PLCH1: variants seen among roughly 807,000 people sequenced by gnomAD.
The protein encoded by PLCH1 is 1-phosphatidylinositol 4,5-bisphosphate phosphodiesterase eta-1.
Under a neutral mutation model 126.7 loss-of-function variants are expected in PLCH1, and 60 were observed. That is an observed-to-expected ratio of 0.47 (90% CI 0.38 to 0.59). PLCH1 has a LOEUF of 0.59. Ranked by LOEUF, PLCH1 falls within the 20% of genes least tolerant of loss-of-function variation. PLCH1 has a pLI of 0.00. For synonymous variants in PLCH1, 719 were observed against 734.9 expected (o/e 0.98, Z 0.35); for missense variants, 1,723 against 2,040.0 (o/e 0.84, Z 2.99).
chr3:155,732,773 G>A (rs1748867249), intron 1 of PLCH1, among the ~76,000 whole-genome samples: 1 of 150,986 alleles, frequency 6.6e-6, no homozygotes, highest in Admixed American at 6.6e-5. Flanking sequence ...AGCTACTCAG[G>A]AGGCTGAGGC....
chr3:155,584,127 G>C (rs1491000149), intron 5 of PLCH1, among the ~76,000 whole-genome samples: 2 of 151,626 alleles, frequency 1.3e-5, no homozygotes, highest in Admixed American at 1.3e-4. Context: ...ATAAACAAAA[G>C]CAAAAAGTAA....
At chr3:155,595,739 A>G (rs897451698) in intron 3 of PLCH1, among the ~76,000 whole-genome samples, 5 of 151,344 alleles carry the variant, frequency 3.3e-5, no homozygotes, top group African/African-American at 7.3e-5. Context: ...TATCTATCCT[A>G]TTGATTGTGT....
chr3:155,487,013 C>T (rs1420543244), intron 21 of PLCH1: 1 of 152,146 alleles, frequency 6.6e-6, no homozygotes, highest in Non-Finnish European at 1.5e-5. Flanking sequence ...GGACTAAACA[C>T]AGGAAGTTAT....
At chr3:155,541,817 T>C (rs1656345) in intron 10 of PLCH1, among the ~76,000 whole-genome samples, 123,098 of 151,548 alleles carry the variant, frequency 0.81, 51,790 homozygotes, top group Middle Eastern at 0.95. Flanking sequence ...TTCAATTTGT[T>C]ACACACACAC....
chr3:155,485,983 T>C lies in PLCH1; in HGVS notation c.2620-273A>G. The C allele has an allele frequency of 8.2e-6, 5 of 608,596 alleles. No individual in the cohort carries two copies. In the South Asian group the frequency reaches 1.1e-4, roughly 13 times the overall value. The allele number at this position is 608,596 out of a possible 1,614,324, so 37.7% of individuals were successfully genotyped here. On this transcript the variant is annotated intron_variant, in intron 21 of 22. Transcript: ENST00000460012. ...AGAGATGACAAAGTGGTAGGAAAAGTCTCCACAGCTCATAGACTGCTATGA... is the reference window on the plus strand; with the variant it reads ...AGAGATGACAAAGTGGTAGGAAAAGCCTCCACAGCTCATAGACTGCTATGA...
chr3:155,672,414 C>T (rs984585888), intron 2 of PLCH1, among the ~76,000 whole-genome samples: 3 of 152,116 alleles, frequency 2.0e-5, no homozygotes, highest in African/African-American at 4.8e-5. Flanking sequence ...ACAGGTATCA[C>T]CTTCTTCATT....
At chr3:155,639,552 T>C (rs1179143204) in intron 2 of PLCH1, among the ~76,000 whole-genome samples, 1 of 152,196 alleles carries the variant, frequency 6.6e-6, no homozygotes, top group Non-Finnish European at 1.5e-5. Context: ...TCTGATGTTA[T>C]AGTCATTGGA....
At chr3:155,474,095 G>A (rs1576770497) in intron 21 of PLCH1, among the ~76,000 whole-genome samples, 1 of 152,084 alleles carries the variant, frequency 6.6e-6, no homozygotes, top group East Asian at 1.9e-4. Context: ...TTAAACTAAA[G>A]AGCTTCTGCA....
At chr3:155,680,816 A>G (rs1413962690) in intron 2 of PLCH1, among the ~76,000 whole-genome samples, 1 of 152,204 alleles carries the variant, frequency 6.6e-6, no homozygotes, top group Non-Finnish European at 1.5e-5. Context: ...CAACTGTCTA[A>G]TTGTCTACCA....
chr3:155,720,844 T>C (rs1747895665), intron 1 of PLCH1, among the ~76,000 whole-genome samples: 1 of 152,240 alleles, frequency 6.6e-6, no homozygotes, highest in South Asian at 2.1e-4. Context: ...CCAGAATTTG[T>C]AAAGTTTCAG....
At chr3:155,599,370 A>G (rs1299718717) in intron 2 of PLCH1, among the ~76,000 whole-genome samples, 1 of 152,204 alleles carries the variant, frequency 6.6e-6, no homozygotes, top group African/African-American at 2.4e-5. Context: ...ACTTGGGTAT[A>G]GGAAAGGGTA....
At chr3:155,587,101 T>G (rs1204039017) in intron 4 of PLCH1, among the ~76,000 whole-genome samples, 2 of 152,232 alleles carry the variant, frequency 1.3e-5, no homozygotes, top group African/African-American at 4.8e-5. Flanking sequence ...CTTGTGTCCC[T>G]ATTAGTTCTC....
chr3:155,664,477 G>A (rs1387275610), intron 2 of PLCH1, among the ~76,000 whole-genome samples: 1 of 152,200 alleles, frequency 6.6e-6, no homozygotes, highest in East Asian at 1.9e-4. Context: ...AAATGTTTTA[G>A]GCTGTGTGGT....
chr3:155,700,017 T>A (rs1746148107), intron 2 of PLCH1, among the ~76,000 whole-genome samples: 3 of 152,212 alleles, frequency 2.0e-5, no homozygotes, highest in Admixed American at 1.3e-4. Flanking sequence ...TACACCTATC[T>A]TGATGTTTGA....
At chr3:155,494,303 A>G (rs774393346) in intron 16 of PLCH1, 35 bp downstream of exon 16, 1 of 1,612,594 alleles carries the variant, frequency 6.2e-7, no homozygotes, top group South Asian at 1.1e-5. Context: ...TAGTGAGAAT[A>G]TACAGAGAAC....
intron 2 of PLCH1, chr3:155,676,448 T>C (rs1422808143): frequency 1.0e-6 from 1 of 976,654 alleles, no homozygotes; most frequent in Non-Finnish European, 1.2e-6. Context: ...TGTAGGTCTT[T>C]ATCCATCAAA....
At chr3:155,653,140 G>A (rs1232546369) in intron 2 of PLCH1, among the ~76,000 whole-genome samples, 1 of 58,110 alleles carries the variant, frequency 1.7e-5, no homozygotes, top group Non-Finnish European at 3.0e-5. Context: ...TATAGATATA[G>A]ATATAGATAT....
chr3:155,734,913 A>T (rs142046797), intron 1 of PLCH1, among the ~76,000 whole-genome samples: 2 of 151,778 alleles, frequency 1.3e-5, no homozygotes, highest in Admixed American at 6.6e-5. Flanking sequence ...GTTTCACCAT[A>T]TTAGCCAGGA....
rs771132190 is a variant in PLCH1, at chr3:155,568,295, A to C, written c.801T>G (p.Leu267=). The C allele has an allele frequency of 7.8e-6, 12 of 1,543,376 alleles. No individual in the cohort carries two copies. In the Admixed American group the frequency reaches 2.0e-4, roughly 26 times the overall value. Residue 267 remains leucine (L), a synonymous_variant, in exon 7 of 23, where the codon CTT becomes CTG. Transcript: ENST00000460012. ...AAACTTCAAACTTCTTTATGATGTC[A>C]AGACAATAGTCCGTTGTCACATTAT... The part of the protein sequence containing the change: ...KMNNVTTDYC[L]DIIKKFEVSE...
Sources: gnomAD v4.1 joint callset for allele counts (sites outside exome capture counted in the v4.1 genomes callset) on GRCh38, gnomAD v4.1.1 for gene constraint, MANE v1.5 for transcripts, NCBI Gene and HGNC (gene_info 2026-07-23, HGNC 2026-07-21) for gene names.